C5orf63: variants seen among roughly 807,000 people sequenced by gnomAD.
C5orf63 encodes glutaredoxin-like protein C5orf63.
Under a neutral mutation model 13.3 loss-of-function variants are expected in C5orf63, and 18 were observed. The ratio of observed to expected loss-of-function variants is 1.36; its 90% confidence interval spans 0.94 to 2.01. C5orf63 has a LOEUF of 2.01. Ranked by LOEUF, C5orf63 falls within the 30% of genes most tolerant of loss-of-function variation. The pLI is 0.00. For missense variants in C5orf63, 118 were observed against 127.7 expected (o/e 0.92, Z 0.36); for synonymous variants, 38 against 44.7 (o/e 0.85, Z 0.60).
chr5:127,050,633 T>C (rs1753641668), downstream of C5orf63, among the ~76,000 whole-genome samples: 1 of 152,152 alleles, frequency 6.6e-6, no homozygotes, highest in Non-Finnish European at 1.5e-5. Flanking sequence ...CTGTGTGACC[T>C]TGGGTTACGT....
At chr5:127,070,429 G>A (rs1754494389) in intron 2 of C5orf63, among the ~76,000 whole-genome samples, 1 of 152,160 alleles carries the variant, frequency 6.6e-6, no homozygotes, top group African/African-American at 2.4e-5. Flanking sequence ...GTTTCCAGTT[G>A]TAACAATGCG....
chr5:127,053,315 A>G (rs1753753846), intron 3 of C5orf63, among the ~76,000 whole-genome samples: 1 of 152,198 alleles, frequency 6.6e-6, no homozygotes, highest in South Asian at 2.1e-4. Context: ...TAAACCATCT[A>G]GCAGAGAAGT....
downstream of C5orf63, chr5:127,043,140 A>G (rs1753443137): frequency 6.6e-6 from 1 of 152,232 alleles, no homozygotes; most frequent in Non-Finnish European, 1.5e-5. Flanking sequence ...TTTTTCATGT[A>G]GTCACATATA....
intron 2 of C5orf63, among the ~76,000 whole-genome samples, chr5:127,068,669 G>A (rs1005931256): frequency 6.6e-6 from 1 of 152,158 alleles, no homozygotes; most frequent in Admixed American, 6.5e-5. Flanking sequence ...AAAGTGGAAG[G>A]GGAGAGGAGT....
At chr5:127,050,928 C>G (rs568571295), downstream of C5orf63, among the ~76,000 whole-genome samples, 33 of 152,188 alleles carry the variant, frequency 2.2e-4, no homozygotes, top group African/African-American at 6.7e-4. Context: ...AATAAGGGTA[C>G]GCAAATACAT....
intron 2 of C5orf63, among the ~76,000 whole-genome samples, chr5:127,070,189 T>A (rs895424559): frequency 6.6e-6 from 1 of 152,192 alleles, no homozygotes; most frequent in Non-Finnish European, 1.5e-5. Flanking sequence ...AAGATTCACA[T>A]CCATTTCATT....
chr5:127,050,995 G>A (rs545649182), downstream of C5orf63, among the ~76,000 whole-genome samples: 27 of 152,204 alleles, frequency 1.8e-4, no homozygotes, highest in Admixed American at 1.6e-3. Flanking sequence ...GACATATTTA[G>A]GAGTGACTTT....
downstream of C5orf63, among the ~76,000 whole-genome samples, chr5:127,050,844 A>G (rs987893270): frequency 6.6e-6 from 1 of 152,234 alleles, no homozygotes; most frequent in African/African-American, 2.4e-5. Context: ...TTGCAGTGGT[A>G]AGATTTTAAG....
chr5:127,051,701 T>A lies in C5orf63; in HGVS notation c.*70A>T. On this transcript the variant is annotated 3_prime_UTR_variant, in exon 5 of 5. Transcript: ENST00000296662. ...CTCTGTACAAGTGACAAAATGAGTA[T>A]CAGGCCATGGTCATTTCCTTAGGAA... is the stretch of plus-strand genomic sequence containing the variant. 1 of 1,414,176 alleles carries A rather than the reference T, an allele frequency of 7.1e-7. No individual in the cohort carries two copies. The highest frequency in any genetic ancestry group is 9.2e-7 in the Non-Finnish European group (1 of 1,088,282). The allele number at this position is 1,414,176 out of a possible 1,614,324, so 87.6% of individuals were successfully genotyped here.
chr5:127,057,207 TTTAGA>T (rs1407634117), intron 3 of C5orf63, among the ~76,000 whole-genome samples: 5 of 152,192 alleles, frequency 3.3e-5, no homozygotes, highest in Admixed American at 6.5e-5. Context: ...TAAAAAGTAG[TTTAGA>T]TTAAATATTT....
At chr5:127,065,726 G>A (rs1472447576) in intron 2 of C5orf63, among the ~76,000 whole-genome samples, 4 of 152,166 alleles carry the variant, frequency 2.6e-5, no homozygotes, top group African/African-American at 9.7e-5. Flanking sequence ...TGTTTTGAAA[G>A]ATTAATCTGG....
At chr5:127,064,848 G>A (rs1580533511) in intron 2 of C5orf63, among the ~76,000 whole-genome samples, 2 of 152,224 alleles carry the variant, frequency 1.3e-5, no homozygotes, top group African/African-American at 2.4e-5. Flanking sequence ...CTGCTCAGTT[G>A]AAAACATTCT....
chr5:127,051,677 T>G lies in C5orf63; in HGVS notation c.*94A>C. On this transcript the variant is annotated 3_prime_UTR_variant, in exon 5 of 5. Coordinates refer to ENST00000296662, the MANE Select transcript of C5orf63 (RefSeq NM_001164478.2). ...ACTGAATTCAGAACATCCTTAGGGCTCTGTACAAGTGACAAAATGAGTATC... is the reference window on the plus strand; with the variant it reads ...ACTGAATTCAGAACATCCTTAGGGCGCTGTACAAGTGACAAAATGAGTATC... 1 of 1,377,742 alleles carries G rather than the reference T, an allele frequency of 7.3e-7. No homozygotes were observed. Among genetic ancestry groups the G allele is most frequent in the Non-Finnish European group, 9.4e-7 (1 of 1,069,048 alleles). 85.3% of individuals were successfully genotyped at this position (1,377,742 alleles called of 1,614,324 possible).
At chr5:127,059,365 CT>C (rs146967449) in intron 2 of C5orf63, among the ~76,000 whole-genome samples, 2,569 of 152,202 alleles carry the variant, frequency 0.017, 69 homozygotes, top group African/African-American at 0.059. Context: ...CCTGAGATGG[CT>C]TTTATTCTCA....
chr5:127,051,984 C>T (rs752441310), intron 4 of C5orf63, 37 bp from the exon 5 acceptor site: 1 of 1,409,318 alleles, frequency 7.1e-7, no homozygotes, highest in East Asian at 2.6e-5. Context: ...GTATTTTAGA[C>T]CATGGGGTGA....
intron 3 of C5orf63, 35 bp from the exon 4 acceptor site, chr5:127,052,704 C>G: frequency 6.9e-7 from 1 of 1,442,348 alleles, no homozygotes; most frequent in South Asian, 1.5e-5. Flanking sequence ...CGATTAAACC[C>G]AAAGAATGGC....
At chr5:127,053,338 C>T (rs996847283) in intron 3 of C5orf63, among the ~76,000 whole-genome samples, 3 of 152,006 alleles carry the variant, frequency 2.0e-5, no homozygotes, top group Non-Finnish European at 4.4e-5. Context: ...GTTGAGAATA[C>T]TATGGATCGT....
intron 2 of C5orf63, among the ~76,000 whole-genome samples, chr5:127,062,724 C>T (rs1003585570): frequency 1.3e-5 from 2 of 152,148 alleles, no homozygotes; most frequent in Non-Finnish European, 2.9e-5. Flanking sequence ...ATATGGGCTA[C>T]TCTGTCAATG....
intron 2 of C5orf63, among the ~76,000 whole-genome samples, chr5:127,059,426 A>G (rs559967302): frequency 6.6e-6 from 1 of 152,250 alleles, no homozygotes; most frequent in Admixed American, 6.5e-5. Flanking sequence ...AGCCACTGCC[A>G]TGGTAAAGAA....
Sources: allele counts gnomAD v4.1 joint callset (sites outside exome capture counted in the v4.1 genomes callset), GRCh38; gene constraint gnomAD v4.1.1; transcripts MANE v1.5; gene names NCBI Gene and HGNC (gene_info 2026-07-23, HGNC 2026-07-21).